The following CADPS variants were observed in gnomAD, a reference collection of about 807,000 sequenced individuals.
CADPS encodes calcium-dependent secretion activator 1.
In CADPS, 57 loss-of-function variants were observed where a neutral mutation model predicts 167.3. That is an observed-to-expected ratio of 0.34 (90% CI 0.28 to 0.42). The LOEUF is 0.42. CADPS is among the 20% of genes least tolerant of loss of function. The pLI, the probability that CADPS is intolerant of heterozygous loss-of-function variation, is 1.00. For synonymous variants in CADPS, 676 were observed against 635.3 expected, an observed-to-expected ratio of 1.06 and a Z score of -0.96; for missense variants, 1,414 against 1,738.1, an observed-to-expected ratio of 0.81 and a Z score of 3.32.
rs548677876 is a variant in CADPS at position 62,460,389 on chromosome 3, C to T, written c.3636+4978G>A. Among the ~76,000 whole-genome samples the T allele has an allele frequency of 5.9e-5, 9 of 152,298 alleles. No individual in the cohort carries two copies. In the South Asian group the frequency reaches 1.9e-3, roughly 32 times the overall value. ...CAGTGAATAATCTGGTGATGTTACC[C>T]TCTGGAGGGTGAACCAAAACCTCTG... is the stretch of plus-strand genomic sequence containing the variant. On this transcript the variant is annotated intron_variant, in intron 26 of 29. Transcript: ENST00000383710.
At chr3:62,593,080 T>C (rs781274864) in intron 6 of CADPS, among the ~76,000 whole-genome samples, 2 of 152,230 alleles carry the variant, frequency 1.3e-5, no homozygotes. Flanking sequence ...TAATATTTCA[T>C]TGCATCCTTT....
chr3:62,651,076 C>A lies in CADPS; in HGVS notation c.974G>T (p.Arg325Leu). 6.2e-7 allele frequency: 1 copy of A among 1,609,960 alleles called. No homozygotes were observed. The highest frequency in any genetic ancestry group is 8.5e-7 in the Non-Finnish European group (1 of 1,176,866). The change falls in exon 5 of 30, where the codon CGC (arginine) becomes CTC (leucine). Residue 325 changes from arginine to leucine, a missense_variant. Around this residue, in one of 6 missense-constraint regions of CADPS, gnomAD observed 522 missense variants for 559.5 expected, o/e 0.93. Transcript: ENST00000383710. ...LQMADQIARE[R>L]KFPKFVSKEM... ...TTTGGATACAAACTTGGGAAATTTG[C>A]GTTCCTTGGGAAGAAAAAGAAAAGT...
At chr3:62,678,484 T>C (rs765489352) in intron 3 of CADPS, among the ~76,000 whole-genome samples, 3 of 152,092 alleles carry the variant, frequency 2.0e-5, no homozygotes, top group Non-Finnish European at 4.4e-5. Flanking sequence ...AACATCTGTG[T>C]TTCTCAGGAA....
intron 1 of CADPS, chr3:62,779,382 C>T (rs541829502): frequency 5.1e-5 from 23 of 452,404 alleles, no homozygotes; most frequent in African/African-American, 3.5e-4. Flanking sequence ...TTTTGGGAGA[C>T]ACTTTCAGGA....
chr3:62,585,699 C>G (rs1476826503), intron 7 of CADPS, among the ~76,000 whole-genome samples: 2 of 152,148 alleles, frequency 1.3e-5, no homozygotes, highest in Non-Finnish European at 2.9e-5. Flanking sequence ...TCCTTTTAGT[C>G]CACTCTTTTT....
chr3:62,500,987 G>A (rs1015599398), intron 17 of CADPS, among the ~76,000 whole-genome samples: 2 of 152,174 alleles, frequency 1.3e-5, no homozygotes, highest in Admixed American at 6.5e-5. Context: ...GCCAGGTGTT[G>A]AAAGTCTCAG....
At chr3:62,612,275 T>C (rs561965426) in intron 6 of CADPS, among the ~76,000 whole-genome samples, 49 of 152,332 alleles carry the variant, frequency 3.2e-4, no homozygotes, top group African/African-American at 1.1e-3. Context: ...AAATCACATA[T>C]TAAGGTGTCA....
intron 22 of CADPS, among the ~76,000 whole-genome samples, chr3:62,479,614 C>A (rs2061724732): frequency 2.0e-5 from 3 of 152,270 alleles, no homozygotes; most frequent in Admixed American, 1.3e-4. Context: ...GAGCCTACGG[C>A]CTGGACCAAC....
chr3:62,568,746 G>T (rs969145219), intron 9 of CADPS, among the ~76,000 whole-genome samples: 1 of 152,082 alleles, frequency 6.6e-6, no homozygotes, highest in African/African-American at 2.4e-5. Flanking sequence ...ATATCCTATT[G>T]GTTCTGTCTC....
chr3:62,443,202 C>T (rs1001672746), intron 27 of CADPS, among the ~76,000 whole-genome samples: 1 of 152,178 alleles, frequency 6.6e-6, no homozygotes, highest in East Asian at 1.9e-4. Flanking sequence ...TCTACTAACC[C>T]GATGTGGGAT....
intron 1 of CADPS, among the ~76,000 whole-genome samples, chr3:62,817,452 G>A (rs1321605442): frequency 6.6e-6 from 1 of 152,096 alleles, no homozygotes; most frequent in Non-Finnish European, 1.5e-5. Context: ...TAAGGCAGCA[G>A]GGCTCCCTGG....
chr3:62,777,784 C>T (rs1233767897), intron 1 of CADPS, among the ~76,000 whole-genome samples: 1 of 152,136 alleles, frequency 6.6e-6, no homozygotes, highest in Non-Finnish European at 1.5e-5. Context: ...GATCCGAATA[C>T]AGCAGCACAC....
chr3:62,466,389 C>T lies in CADPS; in HGVS notation c.3502G>A (p.Glu1168Lys). The T allele has an allele frequency of 1.2e-6, 2 of 1,611,012 alleles. No homozygotes were observed. Among genetic ancestry groups the T allele is most frequent in the Admixed American group, 1.7e-5 (1 of 59,954 alleles). Reference protein sequence around the residue: ...QEHQYHSKIDELIEETVKEMI... With the variant: ...QEHQYHSKIDKLIEETVKEMI... Reference sequence around the variant, plus strand: ...TCTTTAACAGTTTCTTCAATTAGTTCGTCTATTTTTGAATGGTATTGATGC... The same window carrying T: ...TCTTTAACAGTTTCTTCAATTAGTTTGTCTATTTTTGAATGGTATTGATGC... Residue 1168 changes from glutamate (E) to lysine (K), a missense_variant, in exon 25 of 30, where the codon GAA becomes AAA. By Grantham distance (56) the Glu-to-Lys change is moderately conservative. This residue lies in a region of CADPS where 185 missense variants were observed against 251.5 expected (regional missense o/e 0.74). Transcript: ENST00000383710.
chr3:62,518,281 A>T, intron 13 of CADPS, 31 bp from the exon 14 acceptor site: 1 of 1,487,910 alleles, frequency 6.7e-7, no homozygotes, highest in Non-Finnish European at 9.4e-7. Flanking sequence ...AAATGACGGG[A>T]ACCTCATATG....
chr3:62,399,276 T>G lies in CADPS; in HGVS notation c.*130A>C. ...TAATCTTGGTACCACATAGCTAAAATGGCAGTTGTATTGATAAACATCTCA... is the reference window on the plus strand; with the variant it reads ...TAATCTTGGTACCACATAGCTAAAAGGGCAGTTGTATTGATAAACATCTCA... On this transcript the variant is annotated 3_prime_UTR_variant, in exon 30 of 30. Coordinates refer to ENST00000383710, the MANE Select transcript of CADPS (RefSeq NM_003716.4). This position sits in a 1 kb window ranked among gnomAD's most constrained non-coding sequence, Gnocchi z 5.6. 1 of 770,198 alleles carries G rather than the reference T, an allele frequency of 1.3e-6. No homozygotes were observed. Among genetic ancestry groups the G allele is most frequent in the Non-Finnish European group, 2.1e-6 (1 of 472,886 alleles). The allele number at this position is 770,198 out of a possible 1,614,324, so 47.7% of individuals were successfully genotyped here. A position where few individuals can be genotyped will look rare whatever the true frequency, so the allele number is the denominator to read the frequency against.
chr3:62,806,361 TAAA>T (rs11328861), intron 1 of CADPS, among the ~76,000 whole-genome samples: 313 of 137,938 alleles, frequency 2.3e-3, no homozygotes, highest in Middle Eastern at 3.8e-3. Context: ...CGTCTTTAGT[TAAA>T]AAAAAAAAAA....
Position 62,544,687 on chromosome 3 carries a change from T to C in CADPS, c.1966+5216A>G, listed in dbSNP as rs1430295951. On this transcript the variant is annotated intron_variant, in intron 11 of 29. Coordinates refer to ENST00000383710, the MANE Select transcript of CADPS (RefSeq NM_003716.4). The surrounding 1 kb of genome is among the most constrained non-coding windows in gnomAD (Gnocchi z 4.4). ...CATCACATGCATCCTAGTTTCAGTA[T>C]GGAAGCTTACATTTCAAACCTAAGG... is the stretch of plus-strand genomic sequence containing the variant. Among the ~76,000 whole-genome samples the C allele has an allele frequency of 6.6e-6, 1 of 152,118 alleles. No homozygotes were observed. The highest frequency in any genetic ancestry group is 1.9e-4 in the East Asian group (1 of 5,188).
rs1228615884 is a variant in CADPS, at chr3:62,829,152, T to C, written c.441+45437A>G. On this transcript the variant is annotated intron_variant, in intron 1 of 29. Transcript: ENST00000383710. ...CTTCTGACACCTTGGTTTCCCAGCA[T>C]AAAAAATGAGGCTCATGGAGTTGGG... 2.6e-5 allele frequency among the ~76,000 whole-genome samples: 4 copies of C among 152,272 alleles called. No individual in the cohort carries two copies. The East Asian group carries it at 7.7e-4, about 29-fold the overall frequency.
Position 62,420,853 on chromosome 3 carries a change from G to A in CADPS, c.3777+17251C>T, listed in dbSNP as rs1198452435. Among the ~76,000 whole-genome samples the A allele has an allele frequency of 2.2e-5, 3 of 137,238 alleles. No homozygotes were observed. In the Admixed American group the frequency reaches 2.3e-4, roughly 10 times the overall value. The allele number at this position is 137,238 out of a possible 152,430, so 90.0% of individuals were successfully genotyped here. The stretch of plus-strand genomic sequence containing the variant: ...TCTATTTTTTTTCTCTTTATGGGAG[G>A]GAGAACGAACACACACACACACACA... On this transcript the variant is annotated intron_variant, in intron 28 of 29. Transcript: ENST00000383710. This position sits in a 1 kb window ranked among gnomAD's most constrained non-coding sequence, Gnocchi z 4.1.
Sources: allele counts gnomAD v4.1 joint callset (sites outside exome capture counted in the v4.1 genomes callset), GRCh38; gene constraint gnomAD v4.1.1; regional missense constraint gnomAD v4.1.1; non-coding constraint Gnocchi (gnomAD v3.1); transcripts MANE v1.5; gene names NCBI Gene and HGNC (gene_info 2026-07-23, HGNC 2026-07-21).